The following ZNF682 variants were observed in gnomAD, a reference collection of about 807,000 sequenced individuals.
ZNF682 encodes the protein zinc finger protein 682.
A neutral mutation model predicts 36.5 loss-of-function variants in ZNF682; 29 were observed. That is an observed-to-expected ratio of 0.80 (90% CI 0.59 to 1.08). The LOEUF (loss-of-function observed/expected upper bound fraction) is 1.08. Ranked by LOEUF, ZNF682 falls within the 50% of genes least tolerant of loss-of-function variation. The pLI is 0.00. For synonymous variants in ZNF682, 180 were observed against 197.0 expected, an observed-to-expected ratio of 0.91 and a Z score of 0.72; for missense variants, 561 against 579.7, an observed-to-expected ratio of 0.97 and a Z score of 0.33.
intron 1 of ZNF682, among the ~76,000 whole-genome samples, chr19:20,037,262 T>C (rs1461732462): frequency 2.6e-5 from 4 of 152,028 alleles, no homozygotes; most frequent in South Asian, 4.2e-4. Context: ...CTAGAAGCCA[T>C]GGGTGGGACA....
chr19:20,015,402 G>C (rs1236890222), intron 3 of ZNF682: 1 of 984,650 alleles, frequency 1.0e-6, no homozygotes, highest in Admixed American at 6.1e-5. Context: ...ATTCATATCT[G>C]ACTTTTGCCT....
Position 20,006,139 on chromosome 19 carries a change from A to G in ZNF682, c.1363T>C (p.Cys455Arg), listed in dbSNP as rs2088214751. 1 of 1,613,182 alleles carries G rather than the reference A, an allele frequency of 6.2e-7. No individual in the cohort carries two copies. The highest frequency in any genetic ancestry group is 8.5e-7 in the Non-Finnish European group (1 of 1,179,208). The change falls in exon 4 of 4, where the codon TGT (cysteine) becomes CGT (arginine). Residue 455 changes from cysteine (C) to arginine (R), a missense_variant. Transcript: ENST00000397165. ...KIHTAVKRYK[C>R]EECGKAFKRC... Reference sequence around the variant, plus strand: ...TTAAAAGCTTTGCCACATTCTTCACATTTATAGCGTTTGACGGCAGTATGA... The same window carrying G: ...TTAAAAGCTTTGCCACATTCTTCACGTTTATAGCGTTTGACGGCAGTATGA...
At chr19:20,012,556 A>C (rs1225412358) in intron 3 of ZNF682, among the ~76,000 whole-genome samples, 1 of 152,166 alleles carries the variant, frequency 6.6e-6, no homozygotes, top group African/African-American at 2.4e-5. Context: ...TCACGAGGTC[A>C]GGAGATCAAG....
chr19:20,010,968 G>GA (rs1226581246), intron 3 of ZNF682, among the ~76,000 whole-genome samples: 1 of 148,986 alleles, frequency 6.7e-6, no homozygotes, highest in Non-Finnish European at 1.5e-5. Context: ...TCTCAAAAAA[G>GA]AAAAAAAAAT....
At chr19:20,026,410 T>A (rs570389805) in intron 1 of ZNF682, among the ~76,000 whole-genome samples, 1 of 152,048 alleles carries the variant, frequency 6.6e-6, no homozygotes, top group South Asian at 2.1e-4. Flanking sequence ...ATACCATCCC[T>A]AATAGAGATC....
At chr19:20,030,422 T>G (rs143187995) in intron 1 of ZNF682, among the ~76,000 whole-genome samples, 9,148 of 151,742 alleles carry the variant, frequency 0.06, 400 homozygotes, top group Admixed American at 0.11. Context: ...ACACAGAAAT[T>G]AGCCGGGCGT....
intron 1 of ZNF682, among the ~76,000 whole-genome samples, chr19:20,031,736 A>G (rs2088481550): frequency 6.6e-6 from 1 of 152,142 alleles, no homozygotes; most frequent in African/African-American, 2.4e-5. Context: ...AGGTCAGGAG[A>G]TCAAGACCAT....
intron 1 of ZNF682, chr19:20,039,095 T>C (rs777420631): frequency 1.3e-5 from 17 of 1,358,982 alleles, no homozygotes; most frequent in Non-Finnish European, 1.5e-5. Flanking sequence ...CGCGCGCGGC[T>C]CTTCCCAGGG....
At chr19:20,008,833 G>A (rs992416742) in intron 3 of ZNF682, among the ~76,000 whole-genome samples, 3 of 152,118 alleles carry the variant, frequency 2.0e-5, no homozygotes, top group Admixed American at 6.5e-5. Flanking sequence ...TACTTGGACT[G>A]AAGCCTGAAT....
chr19:20,017,697 A>G (rs1358499652), intron 3 of ZNF682, among the ~76,000 whole-genome samples: 2 of 152,206 alleles, frequency 1.3e-5, no homozygotes, highest in Non-Finnish European at 2.9e-5. Flanking sequence ...AACATTACAG[A>G]CCAATTAGAC....
intron 3 of ZNF682, chr19:20,015,361 G>A (rs2088326046): frequency 1.9e-5 from 19 of 984,814 alleles, no homozygotes; most frequent in Non-Finnish European, 2.0e-5. Flanking sequence ...CAAACACAGA[G>A]ATAATTAAAT....
chr19:20,030,947 C>T (rs984118497), intron 1 of ZNF682: 1 of 152,332 alleles, frequency 6.6e-6, no homozygotes, highest in Middle Eastern at 3.4e-3. Context: ...ACTTATTCCC[C>T]TCCCTCTTAG....
intron 3 of ZNF682, among the ~76,000 whole-genome samples, chr19:20,021,689 T>C (rs961062535): frequency 2.0e-5 from 3 of 152,218 alleles, no homozygotes; most frequent in Admixed American, 6.5e-5. Context: ...TTTGTGTGTA[T>C]ATGTATACAC....
intron 1 of ZNF682, among the ~76,000 whole-genome samples, chr19:20,030,431 G>A (rs550813616): frequency 2.1e-4 from 32 of 152,074 alleles, no homozygotes; most frequent in Non-Finnish European, 4.3e-4. Flanking sequence ...TTAGCCGGGC[G>A]TGGTGGTGCA....
chr19:20,006,493 C>T lies in ZNF682; in HGVS notation c.1009G>A (p.Gly337Arg), dbSNP rs1220703334. 1 of 1,613,864 alleles carries T rather than the reference C, an allele frequency of 6.2e-7. No homozygotes were observed. The highest frequency in any genetic ancestry group is 8.5e-7 in the Non-Finnish European group (1 of 1,179,994). Residue 337 changes from glycine to arginine, a missense_variant, in exon 4 of 4, where the codon GGA becomes AGA. Physicochemically the swap from Gly to Arg is moderately radical, Grantham distance 125. Transcript: ENST00000397165. ...TCTTCACATTTATAGGGTTTCTCTCCCGTATGGGTTCTCTCATGTATAGTA... is the reference window on the plus strand; with the variant it reads ...TCTTCACATTTATAGGGTTTCTCTCTCGTATGGGTTCTCTCATGTATAGTA... ...LLTIHERTHT[G>R]EKPYKCEECG... is the part of the protein sequence containing the mutation.
intron 3 of ZNF682, among the ~76,000 whole-genome samples, chr19:20,014,043 C>A (rs1262126445): frequency 1.3e-5 from 2 of 152,186 alleles, no homozygotes; most frequent in Non-Finnish European, 2.9e-5. Flanking sequence ...TGTACAACAT[C>A]TTTACAGTGC....
At chr19:20,017,497 A>C (rs548443964) in intron 3 of ZNF682, among the ~76,000 whole-genome samples, 2 of 152,328 alleles carry the variant, frequency 1.3e-5, no homozygotes, top group East Asian at 3.9e-4. Context: ...GGATCCATTT[A>C]CCGGGAATCT....
chr19:20,022,293 C>T (rs138536708), intron 3 of ZNF682, among the ~76,000 whole-genome samples: 5 of 151,776 alleles, frequency 3.3e-5, no homozygotes, highest in African/African-American at 4.8e-5. Context: ...ACCGTTATCA[C>T]GAATACTCTC....
chr19:20,001,796 CT>C (rs2088169590), downstream of ZNF682, among the ~76,000 whole-genome samples: 1 of 152,174 alleles, frequency 6.6e-6, no homozygotes, highest in African/African-American at 2.4e-5. Flanking sequence ...ACTACCTCTT[CT>C]TATAAGAACC....
Sources: gnomAD v4.1 joint callset for allele counts (sites outside exome capture counted in the v4.1 genomes callset) on GRCh38, gnomAD v4.1.1 for gene constraint, MANE v1.5 for transcripts, NCBI Gene and HGNC (gene_info 2026-07-23, HGNC 2026-07-21) for gene names.